Variants in NELL1 observed in about 807,000 individuals in gnomAD.
NELL1 encodes neural EGFL like 1, also known as protein kinase C-binding protein NELL1.
In NELL1, 76 loss-of-function variants were observed where a neutral mutation model predicts 107.4. That is an observed-to-expected ratio of 0.71 (90% confidence interval 0.59 to 0.86). The LOEUF is 0.86. Among genes scored for constraint, NELL1 ranks in the 40% least tolerant of loss-of-function variants. The probability of loss-of-function intolerance (pLI) is 0.00; values close to 1 mark genes in which losing one functional copy is unlikely to be tolerated. For missense variants in NELL1, 1,024 were observed against 1,005.5 expected, an observed-to-expected ratio of 1.02 and a Z score of -0.25; for synonymous variants, 353 against 341.2, an observed-to-expected ratio of 1.03 and a Z score of -0.38.
intron 15 of NELL1, among the ~76,000 whole-genome samples, chr11:21,424,565 G>A (rs1262038004): frequency 1.3e-5 from 2 of 152,072 alleles, no homozygotes; most frequent in Non-Finnish European, 2.9e-5. Context: ...AGGTTGCAGT[G>A]AGCTGAGACC....
chr11:21,322,422 C>T (rs1850032691), intron 14 of NELL1, among the ~76,000 whole-genome samples: 1 of 152,148 alleles, frequency 6.6e-6, no homozygotes, highest in South Asian at 2.1e-4. Context: ...CATTTGTCCT[C>T]TTCAAGATGT....
intron 13 of NELL1, among the ~76,000 whole-genome samples, chr11:21,132,163 C>T (rs138720957): frequency 2.9e-4 from 44 of 152,036 alleles, no homozygotes; most frequent in Non-Finnish European, 5.4e-4. Context: ...TGTGCCTTTC[C>T]TCAAGGATTA....
chr11:20,755,559 T>TATTTTTTTTTTATTTTTA (rs1554914196), intron 2 of NELL1, among the ~76,000 whole-genome samples: 15 of 17,686 alleles, frequency 8.5e-4, no homozygotes, highest in African/African-American at 1.6e-3. Flanking sequence ...TGTTTTTGTT[T>TATTTTTTTTTTATTTTTA]TTGTTTTTTT....
chr11:21,414,096 G>C (rs571150669), intron 15 of NELL1, among the ~76,000 whole-genome samples: 1 of 152,058 alleles, frequency 6.6e-6, no homozygotes, highest in African/African-American at 2.4e-5. Context: ...GAGCTACTGT[G>C]ATTATTACCC....
intron 6 of NELL1, among the ~76,000 whole-genome samples, chr11:20,918,836 G>A (rs188241178): frequency 2.8e-3 from 421 of 151,678 alleles, no homozygotes; most frequent in Non-Finnish European, 5.1e-3. Context: ...AAAAGAAGAG[G>A]GTTACATTAG....
At chr11:20,709,807 A>C (rs1230733342) in intron 2 of NELL1, among the ~76,000 whole-genome samples, 1 of 151,888 alleles carries the variant, frequency 6.6e-6, no homozygotes, top group Non-Finnish European at 1.5e-5. Flanking sequence ...TATTTTTTGC[A>C]GCTGATGTAA....
At chr11:21,281,393 A>G (rs772533783) in intron 14 of NELL1, among the ~76,000 whole-genome samples, 6 of 152,124 alleles carry the variant, frequency 3.9e-5, no homozygotes, top group Non-Finnish European at 8.8e-5. Context: ...GCAATACAAT[A>G]GAATACCAGG....
chr11:21,315,507 T>C lies in NELL1; in HGVS notation c.1550-55346T>C, dbSNP rs541429250. Among the ~76,000 whole-genome samples, 4 of 152,316 alleles carry C rather than the reference T, an allele frequency of 2.6e-5. No homozygotes were observed. In the East Asian group the frequency reaches 7.7e-4, roughly 29 times the overall value. ...TGGCAAACAAGCCAGGCTTTGTCTC[T>C]CAGTCACTCTGCTTAAGGTAATGCT... On this transcript the variant is annotated intron_variant, in intron 14 of 19. Transcript: ENST00000357134.
At chr11:20,933,864 CTT>C (rs1442949931) in intron 9 of NELL1, among the ~76,000 whole-genome samples, 1 of 152,168 alleles carries the variant, frequency 6.6e-6, no homozygotes, top group Non-Finnish European at 1.5e-5. Context: ...CTGCATAACT[CTT>C]TATATCCTCA....
At chr11:21,326,548 C>T (rs1392213713) in intron 14 of NELL1, among the ~76,000 whole-genome samples, 2 of 151,922 alleles carry the variant, frequency 1.3e-5, no homozygotes, top group Non-Finnish European at 2.9e-5. Flanking sequence ...ATATCTTCTA[C>T]ATTTGGTCAC....
At chr11:21,544,003 T>G (rs575322404) in intron 16 of NELL1, among the ~76,000 whole-genome samples, 23 of 152,138 alleles carry the variant, frequency 1.5e-4, no homozygotes, top group African/African-American at 5.5e-4. Flanking sequence ...AACCTGTCTA[T>G]TATCTTTTCA....
chr11:21,293,016 G>A (rs1452313749), intron 14 of NELL1, among the ~76,000 whole-genome samples: 1 of 151,966 alleles, frequency 6.6e-6, no homozygotes, highest in African/African-American at 2.4e-5. Flanking sequence ...CATAGGCATG[G>A]GCAAAGTCTT....
chr11:20,822,466 A>C (rs993764811), intron 3 of NELL1, among the ~76,000 whole-genome samples: 1 of 152,080 alleles, frequency 6.6e-6, no homozygotes, highest in African/African-American at 2.4e-5. Flanking sequence ...TTTTCTTCGG[A>C]GACAGGAAGC....
At chr11:21,282,168 T>C (rs1050478821) in intron 14 of NELL1, among the ~76,000 whole-genome samples, 3 of 151,808 alleles carry the variant, frequency 2.0e-5, no homozygotes, top group Non-Finnish European at 4.4e-5. Context: ...AATCTAACAA[T>C]CTAATTAAAA....
chr11:21,429,762 C>A (rs938903520), intron 15 of NELL1, among the ~76,000 whole-genome samples: 1 of 152,130 alleles, frequency 6.6e-6, no homozygotes, highest in Non-Finnish European at 1.5e-5. Flanking sequence ...AGTCCCTTGT[C>A]TATAACATAA....
At chr11:21,532,249 C>T (rs116383998) in intron 15 of NELL1, among the ~76,000 whole-genome samples, 1,808 of 152,290 alleles carry the variant, frequency 0.012, 42 homozygotes, top group African/African-American at 0.041. Context: ...GTCTGATTGT[C>T]TTCACTGCTT....
chr11:21,494,289 A>T (rs1433993054), intron 15 of NELL1, among the ~76,000 whole-genome samples: 1 of 152,002 alleles, frequency 6.6e-6, no homozygotes, highest in Non-Finnish European at 1.5e-5. Context: ...CTTGTAACGC[A>T]TAAACACATA....
At chr11:20,861,328 C>T (rs1033355597) in intron 4 of NELL1, among the ~76,000 whole-genome samples, 4 of 152,126 alleles carry the variant, frequency 2.6e-5, no homozygotes, top group African/African-American at 4.8e-5. Context: ...GGAATATCAG[C>T]CTGATTCACT....
chr11:21,393,575 C>T (rs114470063), intron 15 of NELL1, among the ~76,000 whole-genome samples: 1,937 of 151,600 alleles, frequency 0.013, 41 homozygotes, highest in African/African-American at 0.045. Flanking sequence ...TGTTCTGTGC[C>T]TAATAGTCAA....
Sources: allele counts gnomAD v4.1 joint callset (sites outside exome capture counted in the v4.1 genomes callset), GRCh38; gene constraint gnomAD v4.1.1; transcripts MANE v1.5; gene names NCBI Gene and HGNC (gene_info 2026-07-23, HGNC 2026-07-21).